The following PPP2R3B variants were observed in gnomAD, a reference collection of about 807,000 sequenced individuals.
PPP2R3B encodes serine/threonine-protein phosphatase 2A regulatory subunit B'' subunit beta.
PPP2R3B carries 68 observed loss-of-function variants against 72.9 expected under a neutral mutation model. The observed-to-expected ratio is 0.93, with a 90% CI of 0.77 to 1.14. The LOEUF is 1.14. PPP2R3B is among the 50% of genes most tolerant of loss of function. PPP2R3B has a pLI of 0.00. For synonymous variants in PPP2R3B, 466 were observed against 375.8 expected (o/e 1.24, Z -2.78); for missense variants, 1,018 against 842.0 (o/e 1.21, Z -2.59).
chrX:346,105 A>AGAGAGGGGGAC, intron 6 of PPP2R3B, 69 bp downstream of exon 6: 13 of 538,568 alleles, frequency 2.4e-5, no homozygotes, highest in Non-Finnish European at 3.0e-5. Flanking sequence ...GGAGGAGGGA[A>AGAGAGGGGGAC]GGGAAGGGAG....
chrX:379,950 T>A (rs2072087304), intron 1 of PPP2R3B, among the ~76,000 whole-genome samples: 1 of 152,052 alleles, frequency 6.6e-6, no homozygotes, highest in African/African-American at 2.4e-5. Flanking sequence ...GGGATGGAAA[T>A]AATAATAAAA....
At chrX:342,061 G>A (rs1172735786) in intron 7 of PPP2R3B, 130 bp from the exon 8 acceptor site, 19 of 1,171,048 alleles carry the variant, frequency 1.6e-5, no homozygotes, top group Admixed American at 5.1e-5. Context: ...GGAGAGCCCC[G>A]GGGCCCCGAT....
intron 1 of PPP2R3B, among the ~76,000 whole-genome samples, chrX:385,315 G>C (rs951601879): frequency 1.9e-5 from 2 of 106,710 alleles, no homozygotes; most frequent in African/African-American, 6.8e-5. Context: ...CTTGTTTTTA[G>C]TTTTCTTTTT....
At chrX:346,337 G>A in intron 5 of PPP2R3B, 77 bp from the exon 6 acceptor site, 1 of 1,414,484 alleles carries the variant, frequency 7.1e-7, no homozygotes, top group Non-Finnish European at 9.7e-7. Flanking sequence ...CGGGAGCCGG[G>A]AGAGGGGCGC....
chrX:381,672 C>G (rs1183315334), intron 1 of PPP2R3B, among the ~76,000 whole-genome samples: 1 of 144,812 alleles, frequency 6.9e-6, no homozygotes, highest in East Asian at 2.1e-4. Context: ...GATCTCAGCT[C>G]ACTGCAAGCT....
In PPP2R3B at chrX:380,297, C is replaced by T. The variant is rs144791000; in HGVS notation, c.324+6071G>A. ...AAGCCAGACTCAAGAGACATATGCA[C>T]ACACCACATTGTCTTACCAAGGACT... On this transcript the variant is annotated intron_variant, in intron 1 of 12. Coordinates refer to ENST00000390665, the MANE Select transcript of PPP2R3B (RefSeq NM_013239.5). Among the ~76,000 whole-genome samples, 763 of 152,296 alleles carry T rather than the reference C, an allele frequency of 5.0e-3. 11 individuals are homozygous for T. The highest frequency in any genetic ancestry group is 0.018 in the African/African-American group (731 of 41,556).
intron 9 of PPP2R3B, among the ~76,000 whole-genome samples, 164 bp downstream of exon 9, chrX:341,139 GGCGT>G (rs2071061493): frequency 6.8e-4 from 7 of 10,234 alleles, no homozygotes; most frequent in African/African-American, 3.2e-3. Flanking sequence ...GCCCCCACCA[GGCGT>G]GCACATGTCC....
At chrX:374,536 G>A (rs1382892802) in intron 1 of PPP2R3B, among the ~76,000 whole-genome samples, 1 of 152,188 alleles carries the variant, frequency 6.6e-6, no homozygotes, top group African/African-American at 2.4e-5. Flanking sequence ...GGAAAAGGGG[G>A]ACGGGCAACT....
At chrX:335,858 AAC>A (rs1164813160) in intron 12 of PPP2R3B, 6 of 152,254 alleles carry the variant, frequency 3.9e-5, no homozygotes, top group Non-Finnish European at 7.3e-5. Context: ...AAGTTTCCGA[AAC>A]ACACAAACCA....
intron 2 of PPP2R3B, among the ~76,000 whole-genome samples, chrX:350,223 C>T (rs974754823): frequency 1.2e-4 from 18 of 152,202 alleles, no homozygotes; most frequent in Non-Finnish European, 1.9e-4. Flanking sequence ...CAGGCAAAGA[C>T]ACTTCACACA....
Position 347,698 on chromosome X carries a change from G to T in PPP2R3B, c.511-5C>A. 6.5e-7 allele frequency: 1 copy of T among 1,529,406 alleles called. No individual in the cohort carries two copies. Among genetic ancestry groups the T allele is most frequent in the Non-Finnish European group, 8.8e-7 (1 of 1,140,590 alleles). 94.7% of individuals were successfully genotyped at this position (1,529,406 alleles called of 1,614,324 possible). On this transcript the variant is annotated splice_region_variant and splice_polypyrimidine_tract_variant and intron_variant, in intron 2 of 12. Coordinates refer to ENST00000390665, the MANE Select transcript of PPP2R3B (RefSeq NM_013239.5). The stretch of plus-strand genomic sequence containing the variant: ...GTAGAGGGGGCAGCCGCAGGCCTGG[G>T]GCAGAGAGGGCAGGAGTGGGCAGTC...
chrX:372,101 T>C (rs182521845), intron 1 of PPP2R3B, among the ~76,000 whole-genome samples: 237 of 152,190 alleles, frequency 1.6e-3, no homozygotes, highest in African/African-American at 5.2e-3. Context: ...ATCACCTCAT[T>C]GACTCTGCGA....
In PPP2R3B at chrX:334,053, G is replaced by A. The variant is rs1440108446; in HGVS notation, c.*314C>T. The A allele has an allele frequency of 6.6e-5, 19 of 287,646 alleles. No homozygotes were observed. Among genetic ancestry groups the A allele is most frequent in the South Asian group, 1.3e-4 (1 of 7,542 alleles). The allele number at this position is 287,646 out of a possible 1,614,324, so 17.8% of individuals were successfully genotyped here. The stretch of plus-strand genomic sequence containing the variant: ...AGGCGCCCGGGAGCCGCCGGTCACC[G>A]TTGTGCGCACACGGACCCTTTCCAC... On this transcript the variant is annotated 3_prime_UTR_variant, in exon 13 of 13. Coordinates refer to ENST00000390665, the MANE Select transcript of PPP2R3B (RefSeq NM_013239.5).
rs774105706 is a variant in PPP2R3B at position 355,046 on chromosome X, C to T, written c.510+6359G>A. On this transcript the variant is annotated intron_variant, in intron 2 of 12. Transcript: ENST00000390665. The stretch of plus-strand genomic sequence containing the variant: ...GTACAGAAAGTCAGGGAGGAGACAC[C>T]GATGCAGACGAGAAGAGAAAGGCTG... Among the ~76,000 whole-genome samples the T allele has an allele frequency of 7.9e-5, 12 of 152,256 alleles. No homozygotes were observed. In the South Asian group the frequency reaches 1.4e-3, roughly 18 times the overall value.
At position 338,686 on chromosome X, in the gene PPP2R3B, G is replaced by T. The variant is rs202064367; in HGVS notation, c.1495C>A (p.Leu499Ile). The T allele has an allele frequency of 3.1e-6, 5 of 1,611,510 alleles. No individual in the cohort carries two copies. The highest frequency in any genetic ancestry group is 4.2e-6 in the Non-Finnish European group (5 of 1,179,656). ...LRDGDSGGPE[L>I]SDWEKYAAEE... Reference sequence around the variant, plus strand: ...GCCGCGTACTTCTCCCAGTCCGAGAGCTCGGGGCCGCCGCTGTCACCGTCC... The same window carrying T: ...GCCGCGTACTTCTCCCAGTCCGAGATCTCGGGGCCGCCGCTGTCACCGTCC... The change falls in exon 12 of 13, where the codon CTC becomes ATC. Residue 499 changes from leucine to isoleucine, a missense_variant. Coordinates refer to ENST00000390665, the MANE Select transcript of PPP2R3B (RefSeq NM_013239.5).
At chrX:346,429 C>T in intron 5 of PPP2R3B, 169 bp from the exon 6 acceptor site, 1 of 680,248 alleles carries the variant, frequency 1.5e-6, no homozygotes, top group Non-Finnish European at 2.4e-6. Context: ...CCGCCCCAGG[C>T]CGCGGAAAGC....
chrX:363,916 C>G (rs1353044084), intron 1 of PPP2R3B, among the ~76,000 whole-genome samples: 4 of 152,248 alleles, frequency 2.6e-5, no homozygotes, highest in African/African-American at 9.6e-5. Context: ...GTACACAAAC[C>G]AACCTTCCTG....
chrX:373,383 G>C (rs972731007), intron 1 of PPP2R3B: 1 of 152,350 alleles, frequency 6.6e-6, no homozygotes, highest in African/African-American at 2.4e-5. Flanking sequence ...AACTGGCCCT[G>C]TAAATCTGGC....
chrX:353,381 AAAAGAG>A (rs1478446035), intron 2 of PPP2R3B, among the ~76,000 whole-genome samples: 2 of 149,468 alleles, frequency 1.3e-5, no homozygotes, highest in African/African-American at 5.1e-5. Context: ...CTCCAAAAAA[AAAAGAG>A]AAAAGATGAT....
Sources: allele counts gnomAD v4.1 joint callset (sites outside exome capture counted in the v4.1 genomes callset), GRCh38; gene constraint gnomAD v4.1.1; transcripts MANE v1.5; gene names NCBI Gene and HGNC (gene_info 2026-07-23, HGNC 2026-07-21).